Variants in COLGALT2 observed in about 807,000 individuals in gnomAD.
COLGALT2 encodes the protein procollagen galactosyltransferase 2.
A neutral mutation model predicts 73.4 loss-of-function variants in COLGALT2; 49 were observed. That is an observed-to-expected ratio of 0.67 (90% CI 0.53 to 0.85). The LOEUF (loss-of-function observed/expected upper bound fraction) is 0.85. Among genes scored for constraint, COLGALT2 ranks in the 40% least tolerant of loss-of-function variants. The pLI, the probability that COLGALT2 is intolerant of heterozygous loss-of-function variation, is 0.00. For missense variants in COLGALT2, 722 were observed against 790.2 expected (o/e 0.91, Z 1.03); for synonymous variants, 295 against 307.6 (o/e 0.96, Z 0.43).
At chr1:183,961,431 C>T (rs1279156191) in intron 6 of COLGALT2, among the ~76,000 whole-genome samples, 2 of 152,178 alleles carry the variant, frequency 1.3e-5, no homozygotes, top group Non-Finnish European at 2.9e-5. Flanking sequence ...GCCAGAGAGA[C>T]TCTCCCTACT....
chr1:184,015,051 G>C (rs1648955735), intron 1 of COLGALT2, among the ~76,000 whole-genome samples: 1 of 151,998 alleles, frequency 6.6e-6, no homozygotes, highest in Admixed American at 6.6e-5. Context: ...CTCAGAACTA[G>C]AGACTGCAGG....
intron 10 of COLGALT2, among the ~76,000 whole-genome samples, chr1:183,943,728 C>G (rs1670175561): frequency 6.6e-6 from 1 of 152,202 alleles, no homozygotes; most frequent in South Asian, 2.1e-4. Flanking sequence ...GAGGAGCTCC[C>G]TGGCTGACCC....
chr1:183,935,075 G>C (rs886178111), downstream of COLGALT2, among the ~76,000 whole-genome samples: 1 of 152,170 alleles, frequency 6.6e-6, no homozygotes, highest in Non-Finnish European at 1.5e-5. Context: ...CCCTTTCATA[G>C]TCCTGTCAGG....
At chr1:184,021,153 T>C (rs1394486915) in intron 1 of COLGALT2, among the ~76,000 whole-genome samples, 1 of 152,106 alleles carries the variant, frequency 6.6e-6, no homozygotes, top group Non-Finnish European at 1.5e-5. Context: ...GCTGTTACAG[T>C]TCACTGTTTT....
intron 1 of COLGALT2, among the ~76,000 whole-genome samples, chr1:184,011,492 T>C (rs760558508): frequency 6.6e-6 from 1 of 152,244 alleles, no homozygotes; most frequent in Non-Finnish European, 1.5e-5. Flanking sequence ...CCTTGTTTAC[T>C]GCCATCTGCT....
intron 2 of COLGALT2, among the ~76,000 whole-genome samples, chr1:183,977,216 A>T (rs959418214): frequency 7.2e-5 from 11 of 152,136 alleles, no homozygotes; most frequent in Admixed American, 5.9e-4. Flanking sequence ...TCACACCTGT[A>T]ATCTCAGCAC....
At chr1:183,991,296 G>T (rs1191374181) in intron 1 of COLGALT2, among the ~76,000 whole-genome samples, 1 of 152,132 alleles carries the variant, frequency 6.6e-6, no homozygotes. Context: ...TTAATGAAAA[G>T]CAGCAGCAAA....
intron 1 of COLGALT2, among the ~76,000 whole-genome samples, chr1:184,014,246 T>C (rs1222748083): frequency 6.6e-6 from 1 of 152,040 alleles, no homozygotes; most frequent in South Asian, 2.1e-4. Flanking sequence ...GAAACATGTA[T>C]TGAGAAATGA....
At chr1:184,018,473 T>C (rs1417940608) in intron 1 of COLGALT2, among the ~76,000 whole-genome samples, 1 of 152,144 alleles carries the variant, frequency 6.6e-6, no homozygotes, top group Non-Finnish European at 1.5e-5. Flanking sequence ...AGGAAGCACA[T>C]AAAGAATTCC....
At chr1:183,929,697 CCT>C (rs1558303171), downstream of COLGALT2, among the ~76,000 whole-genome samples, 1 of 152,208 alleles carries the variant, frequency 6.6e-6, no homozygotes, top group Non-Finnish European at 1.5e-5. Context: ...CTGACTCAAA[CCT>C]CTTTTTCTTC....
chr1:183,945,408 CA>C, intron 9 of COLGALT2, 23 bp downstream of exon 9: 1 of 1,610,832 alleles, frequency 6.2e-7, no homozygotes, highest in Non-Finnish European at 8.5e-7. Flanking sequence ...CATAAAACTG[CA>C]ATCTGAATAA....
At chr1:184,020,845 T>G (rs1208368110) in intron 1 of COLGALT2, among the ~76,000 whole-genome samples, 1 of 152,172 alleles carries the variant, frequency 6.6e-6, no homozygotes, top group Admixed American at 6.5e-5. Context: ...CATTCTTGCT[T>G]GGAGTCTCTC....
rs114661926 is a variant in COLGALT2, at chr1:184,037,415, C to G, written c.-58G>C. The G allele has an allele frequency of 0.31, 395,043 of 1,282,610 alleles. 62,270 individuals carry two copies. The highest frequency in any genetic ancestry group is 0.44 in the East Asian group (13,905 of 31,478). The allele number at this position is 1,282,610 out of a possible 1,614,324, so 79.5% of individuals were successfully genotyped here. On this transcript the variant is annotated 5_prime_UTR_variant, in exon 1 of 12. Coordinates refer to ENST00000361927, the MANE Select transcript of COLGALT2 (RefSeq NM_015101.4). Reference sequence around the variant, plus strand: ...TGGCGCGAGCGCCCGGCTGGGCTGCCTGAGGGCGGCGGCGGCTGCCGGGGA... The same window carrying G: ...TGGCGCGAGCGCCCGGCTGGGCTGCGTGAGGGCGGCGGCGGCTGCCGGGGA...
At chr1:184,036,702 C>A (rs1285855278) in intron 1 of COLGALT2, among the ~76,000 whole-genome samples, 1 of 152,238 alleles carries the variant, frequency 6.6e-6, no homozygotes, top group Non-Finnish European at 1.5e-5. Context: ...GGCACCCTAT[C>A]CCCTCACGTC....
intron 7 of COLGALT2, among the ~76,000 whole-genome samples, chr1:183,954,231 G>T (rs1294061051): frequency 6.6e-6 from 1 of 152,000 alleles, no homozygotes; most frequent in African/African-American, 2.4e-5. Context: ...AATATTATTA[G>T]GAAGTTCTTG....
intron 1 of COLGALT2, among the ~76,000 whole-genome samples, chr1:184,001,125 G>A (rs1015192400): frequency 1.5e-4 from 23 of 152,138 alleles, no homozygotes; most frequent in African/African-American, 4.6e-4. Context: ...GAGCCACCAC[G>A]CCAGGCCTAT....
intron 1 of COLGALT2, among the ~76,000 whole-genome samples, chr1:183,994,432 G>T (rs1157135565): frequency 6.6e-6 from 1 of 151,168 alleles, no homozygotes; most frequent in Non-Finnish European, 1.5e-5. Flanking sequence ...ATGGATCCAC[G>T]ATTCAAGCCT....
At chr1:183,969,931 G>A (rs954336292) in intron 4 of COLGALT2, among the ~76,000 whole-genome samples, 5 of 152,154 alleles carry the variant, frequency 3.3e-5, no homozygotes, top group Non-Finnish European at 7.4e-5. Context: ...CAGGGATGAC[G>A]GCACTATCTA....
intron 1 of COLGALT2, among the ~76,000 whole-genome samples, chr1:184,004,718 A>G (rs1393151894): frequency 6.6e-6 from 1 of 152,148 alleles, no homozygotes; most frequent in East Asian, 1.9e-4. Context: ...TTGTAGAAAA[A>G]TTATTCTAGT....
Sources: allele counts gnomAD v4.1 joint callset (sites outside exome capture counted in the v4.1 genomes callset), GRCh38; gene constraint gnomAD v4.1.1; transcripts MANE v1.5; gene names NCBI Gene and HGNC (gene_info 2026-07-23, HGNC 2026-07-21).